MAPK8: variants seen among roughly 807,000 people sequenced by gnomAD.
MAPK8 encodes JUN N-terminal kinase.
MAPK8 carries 13 observed loss-of-function variants against 52.9 expected under a neutral mutation model. The ratio of observed to expected loss-of-function variants is 0.25; its 90% CI spans 0.16 to 0.39. The LOEUF is 0.39. MAPK8 is among the 10% of genes least tolerant of loss of function. The probability of loss-of-function intolerance (pLI) is 1.00; values close to 1 mark genes in which losing one functional copy is unlikely to be tolerated. For synonymous variants in MAPK8, 191 were observed against 169.8 expected (o/e 1.12, Z -0.97); for missense variants, 300 against 519.2 (o/e 0.58, Z 4.10).
intron 1 of MAPK8, among the ~76,000 whole-genome samples, chr10:48,315,097 G>C (rs1842365527): frequency 6.6e-6 from 1 of 152,108 alleles, no homozygotes; most frequent in African/African-American, 2.4e-5. Context: ...TGTGTTTTCT[G>C]CTAGGTCTAA....
intron 1 of MAPK8, among the ~76,000 whole-genome samples, chr10:48,320,211 CTTTTTTTT>C (rs71026206): frequency 1.1e-3 from 40 of 35,318 alleles, no homozygotes; most frequent in African/African-American, 3.4e-3. Flanking sequence ...ACTGCTCGGC[CTTTTTTTT>C]TTTTTTTTTT....
At chr10:48,413,861 T>TATATATATATA (rs2042916865) in intron 5 of MAPK8, among the ~76,000 whole-genome samples, 4 of 54,560 alleles carry the variant, frequency 7.3e-5, no homozygotes, top group Non-Finnish European at 7.9e-5. Flanking sequence ...ATATATATAT[T>TATATATATATA]CAGAAATATT....
chr10:48,418,158 A>C (rs2043162508), intron 5 of MAPK8, among the ~76,000 whole-genome samples: 1 of 152,172 alleles, frequency 6.6e-6, no homozygotes, highest in Non-Finnish European at 1.5e-5. Context: ...CTTCAGGTTC[A>C]TTGTACAAGT....
At chr10:48,329,661 T>G (rs906835906) in intron 1 of MAPK8, among the ~76,000 whole-genome samples, 10 of 152,242 alleles carry the variant, frequency 6.6e-5, no homozygotes, top group African/African-American at 2.4e-4. Flanking sequence ...ACATAGTTAC[T>G]GCTGGAACTA....
chr10:48,381,195 C>T (rs528335479), intron 1 of MAPK8, among the ~76,000 whole-genome samples: 1 of 152,270 alleles, frequency 6.6e-6, no homozygotes, highest in East Asian at 1.9e-4. Flanking sequence ...CATCTGATCC[C>T]AGTCAGCTTT....
chr10:48,324,737 G>A (rs1355260910), intron 1 of MAPK8, among the ~76,000 whole-genome samples: 1 of 151,980 alleles, frequency 6.6e-6, no homozygotes, highest in Non-Finnish European at 1.5e-5. Flanking sequence ...CATAACACAG[G>A]CATCAGGTGG....
At chr10:48,339,949 G>T (rs1478203980) in intron 1 of MAPK8, among the ~76,000 whole-genome samples, 2 of 152,164 alleles carry the variant, frequency 1.3e-5, no homozygotes, top group African/African-American at 2.4e-5. Context: ...CACGCTGTTG[G>T]TGGGAATGTA....
At chr10:48,381,946 CCTAT>C (rs1051686687) in intron 1 of MAPK8, among the ~76,000 whole-genome samples, 25 of 152,278 alleles carry the variant, frequency 1.6e-4, no homozygotes, top group South Asian at 4.1e-4. Context: ...AGGGGCAGGG[CCTAT>C]CTGAGTCCTG....
chr10:48,408,631 G>T (rs1434787665), intron 3 of MAPK8, among the ~76,000 whole-genome samples: 1 of 152,174 alleles, frequency 6.6e-6, no homozygotes, highest in African/African-American at 2.4e-5. Flanking sequence ...TTTTGAGGAG[G>T]TAAGTAATAT....
rs115248942 is a variant in MAPK8 at position 48,421,588 on chromosome 10, C to G, written c.616+1268C>G. Among the ~76,000 whole-genome samples the G allele has an allele frequency of 1.8e-3, 267 of 152,120 alleles. 1 individual carries two copies. Among genetic ancestry groups the G allele is most frequent in the African/African-American group, 6.2e-3 (256 of 41,492 alleles). On this transcript the variant is annotated intron_variant, in intron 6 of 11. Transcript: ENST00000374189. ...GGGAGGCCGAGGCTCGTGGATCACTCGAGGCTAGGAGTTCTAGACCAGCCT... is the reference window on the plus strand; with the variant it reads ...GGGAGGCCGAGGCTCGTGGATCACTGGAGGCTAGGAGTTCTAGACCAGCCT...
intron 1 of MAPK8, among the ~76,000 whole-genome samples, chr10:48,307,487 C>A (rs1841504452): frequency 6.6e-6 from 1 of 152,164 alleles, no homozygotes; most frequent in Non-Finnish European, 1.5e-5. Flanking sequence ...TCTTGAGGGT[C>A]ATCGGTGGTG....
chr10:48,421,232 CTTGA>C (rs764912238), intron 6 of MAPK8, among the ~76,000 whole-genome samples: 2 of 152,102 alleles, frequency 1.3e-5, no homozygotes, highest in Non-Finnish European at 2.9e-5. Flanking sequence ...TTAAGCTGAG[CTTGA>C]TTTTCTGAGC....
chr10:48,312,135 A>C (rs1489223895), intron 1 of MAPK8, among the ~76,000 whole-genome samples: 1 of 152,210 alleles, frequency 6.6e-6, no homozygotes, highest in African/African-American at 2.4e-5. Flanking sequence ...TACTCACTCG[A>C]TAAACCTGAG....
intron 1 of MAPK8, among the ~76,000 whole-genome samples, chr10:48,339,375 C>G (rs1219530497): frequency 1.3e-5 from 2 of 152,080 alleles, no homozygotes; most frequent in Admixed American, 6.6e-5. Context: ...GGAAAACTGG[C>G]TAGCCATATG....
intron 5 of MAPK8, 67 bp from the exon 6 acceptor site, chr10:48,420,088 T>C (rs920396543): frequency 3.4e-5 from 41 of 1,223,490 alleles, no homozygotes; most frequent in African/African-American, 4.5e-5. Flanking sequence ...ATAGTATAAC[T>C]TTATTGTGAA....
intron 5 of MAPK8, among the ~76,000 whole-genome samples, chr10:48,414,301 C>G (rs1407017761): frequency 6.6e-6 from 1 of 151,984 alleles, no homozygotes; most frequent in Non-Finnish European, 1.5e-5. Flanking sequence ...TATTGTTTAT[C>G]CATTTATCAC....
intron 1 of MAPK8, among the ~76,000 whole-genome samples, chr10:48,355,102 A>G (rs562275510): frequency 2.3e-4 from 35 of 152,254 alleles, no homozygotes; most frequent in Non-Finnish European, 4.4e-4. Context: ...TGTTTCAACA[A>G]AAGTTGAAAA....
chr10:48,364,449 A>C (rs1026893934), intron 1 of MAPK8, among the ~76,000 whole-genome samples: 5 of 152,092 alleles, frequency 3.3e-5, no homozygotes, highest in East Asian at 1.9e-4. Flanking sequence ...AAAAAAAAAA[A>C]CTGAATTCTT....
chr10:48,410,364 C>G (rs2042683054), intron 5 of MAPK8, 196 bp downstream of exon 5: 1 of 404,172 alleles, frequency 2.5e-6, no homozygotes, highest in Admixed American at 4.3e-5. Context: ...GCATCTTTGC[C>G]CTGGCATGAT....
Sources: allele counts gnomAD v4.1 joint callset (sites outside exome capture counted in the v4.1 genomes callset), GRCh38; gene constraint gnomAD v4.1.1; transcripts MANE v1.5; gene names NCBI Gene and HGNC (gene_info 2026-07-23, HGNC 2026-07-21).